The following PCDHGB4 variants were observed in gnomAD, a reference collection of about 807,000 sequenced individuals.
PCDHGB4 encodes the protein protocadherin gamma subfamily B, 4.
Under a neutral mutation model 60.5 loss-of-function variants are expected in PCDHGB4, and 38 were observed. The observed-to-expected ratio is 0.63, with a 90% CI of 0.48 to 0.82. The LOEUF (loss-of-function observed/expected upper bound fraction) is 0.82, where lower values mean the gene tolerates loss of function less well. Among genes scored for constraint, PCDHGB4 ranks in the 40% least tolerant of loss-of-function variants. PCDHGB4 has a pLI of 0.00. For synonymous variants in PCDHGB4, 456 were observed against 509.7 expected (o/e 0.89, Z 1.42); for missense variants, 1,109 against 1,209.6 (o/e 0.92, Z 1.23).
chr5:141,492,122 C>G (rs2154587050), intron 1 of PCDHGB4, among the ~76,000 whole-genome samples: 1 of 152,328 alleles, frequency 6.6e-6, no homozygotes, highest in Admixed American at 6.5e-5. Context: ...GATTTCTCCC[C>G]AGCTCCCAGC....
rs891428609 is a variant in PCDHGB4, at chr5:141,503,553, C to T, written c.2457-1840C>T. Among the ~76,000 whole-genome samples the T allele has an allele frequency of 9.4e-5, 14 of 149,164 alleles. No homozygotes were observed. In the East Asian group the frequency reaches 2.2e-3, roughly 23 times the overall value. On this transcript the variant is annotated intron_variant, in intron 2 of 3. Coordinates refer to ENST00000519479, the MANE Select transcript of PCDHGB4 (RefSeq NM_003736.4). ...GGCAGAGGTTGCAGTGAGCCGAGAT[C>T]GCGCCACTGTACTCCAGCCTGGGTG...
chr5:141,428,267 T>C, intron 1 of PCDHGB4: 1 of 796,264 alleles, frequency 1.3e-6, no homozygotes, highest in Non-Finnish European at 2.1e-6. Context: ...GACAGTCCTG[T>C]GCCCTCTGAT....
At chr5:141,506,700 G>A (rs780282969) in intron 3 of PCDHGB4, among the ~76,000 whole-genome samples, 3 of 152,138 alleles carry the variant, frequency 2.0e-5, no homozygotes, top group Non-Finnish European at 2.9e-5. Flanking sequence ...ACCCAAACCC[G>A]TTTTTTACTG....
chr5:141,466,358 A>T (rs1210013683), intron 1 of PCDHGB4, among the ~76,000 whole-genome samples: 3 of 152,066 alleles, frequency 2.0e-5, no homozygotes, highest in Non-Finnish European at 4.4e-5. Context: ...GCTAATCTAG[A>T]TGTAATGGTT....
rs768812729 is a variant in PCDHGB4, at chr5:141,491,543, A to T, written c.2398-3264A>T. 2.5e-6 allele frequency: 4 copies of T among 1,613,842 alleles called. No individual in the cohort carries two copies. The highest frequency in any genetic ancestry group is 3.4e-6 in the Non-Finnish European group (4 of 1,179,982). The stretch of plus-strand genomic sequence containing the variant: ...ATGGAGGTGACGCTGCGGCCCACAG[A>T]CTCGCAGAGCCACTGCTACAGGACG... On this transcript the variant is annotated intron_variant, in intron 1 of 3. Transcript: ENST00000519479. This position sits in a 1 kb window ranked among gnomAD's most constrained non-coding sequence, Gnocchi z 6.9.
intron 1 of PCDHGB4, chr5:141,402,861 A>G (rs2094315270): frequency 7.0e-7 from 1 of 1,430,150 alleles, no homozygotes; most frequent in Non-Finnish European, 9.2e-7. Context: ...CTTCTAAGGA[A>G]AAGATCACCA....
chr5:141,420,918 C>T (rs2096532512), intron 1 of PCDHGB4: 1 of 331,946 alleles, frequency 3.0e-6, no homozygotes, highest in South Asian at 6.4e-5. Flanking sequence ...GTGTGATTCA[C>T]AAAGGTGAGC....
rs1215626157 is a variant in PCDHGB4, at chr5:141,487,804, GT to G, written c.2398-7000del. ...TCGTGAATTAACCAGAGTTGTCACAGTTTAGCATTGGGGGCGGGTCATGCCT... is the reference window on the plus strand; with the variant it reads ...TCGTGAATTAACCAGAGTTGTCACAGTTAGCATTGGGGGCGGGTCATGCCT... On this transcript the variant is annotated intron_variant, in intron 1 of 3. Transcript: ENST00000519479. The surrounding 1 kb of genome is among the most constrained non-coding windows in gnomAD (Gnocchi z 5.0). 15 of 1,451,846 alleles carry G rather than the reference GT, an allele frequency of 1.0e-5. No homozygotes were observed. The highest frequency in any genetic ancestry group is 1.3e-5 in the Non-Finnish European group (14 of 1,072,382). 89.9% of individuals were successfully genotyped at this position (1,451,846 alleles called of 1,614,324 possible).
intron 2 of PCDHGB4, among the ~76,000 whole-genome samples, chr5:141,498,421 A>C (rs1328848787): frequency 6.6e-6 from 1 of 152,016 alleles, no homozygotes; most frequent in Non-Finnish European, 1.5e-5. Flanking sequence ...CTGGCACTGG[A>C]GTGAGGGGAT....
At chr5:141,441,790 A>G in intron 1 of PCDHGB4, 1 of 391,228 alleles carries the variant, frequency 2.6e-6, no homozygotes, top group South Asian at 2.0e-5. Context: ...CTGAATGACA[A>G]CGCACCGCGG....
chr5:141,421,174 C>T (rs2096550677), intron 1 of PCDHGB4: 2 of 1,378,742 alleles, frequency 1.5e-6, no homozygotes, highest in Non-Finnish European at 1.9e-6. Flanking sequence ...ATACATAAGC[C>T]GATTCACAAC....
chr5:141,414,255 G>A (rs776584940), intron 1 of PCDHGB4: 12 of 1,613,350 alleles, frequency 7.4e-6, no homozygotes, highest in Non-Finnish European at 1.0e-5. Flanking sequence ...TTAGTCCAGT[G>A]ACTGAAGATT....
chr5:141,392,498 A>AT (rs201401101), intron 1 of PCDHGB4: 334 of 217,284 alleles, frequency 1.5e-3, no homozygotes, highest in East Asian at 0.014. Flanking sequence ...TAAGCAAATG[A>AT]TTTTTTTTTC....
chr5:141,393,052 G>A, intron 1 of PCDHGB4: 1 of 1,613,612 alleles, frequency 6.2e-7, no homozygotes, highest in Non-Finnish European at 8.5e-7. Flanking sequence ...CTGAACCCGC[G>A]CAGCGGCAGC....
intron 1 of PCDHGB4, among the ~76,000 whole-genome samples, chr5:141,402,680 TATA>T (rs1441272447): frequency 2.4e-4 from 36 of 152,348 alleles, no homozygotes; most frequent in African/African-American, 7.9e-4. Context: ...AGCCATCTGA[TATA>T]ATGTTACACA....
rs376937850 is a variant in PCDHGB4 at position 141,491,097 on chromosome 5, C to T, written c.2398-3710C>T. The T allele has an allele frequency of 1.2e-6, 2 of 1,614,170 alleles. No homozygotes were observed. Among genetic ancestry groups the T allele is most frequent in the Non-Finnish European group, 1.7e-6 (2 of 1,180,018 alleles). On this transcript the variant is annotated intron_variant, in intron 1 of 3. Coordinates refer to ENST00000519479, the MANE Select transcript of PCDHGB4 (RefSeq NM_003736.4). The surrounding 1 kb of genome is among the most constrained non-coding windows in gnomAD (Gnocchi z 6.9). ...CACAGTCCACAGCCCCAGGACTGTT[C>T]CTCGTGTCTACACACACTGGTGAGG...
chr5:141,505,625 C>T, intron 3 of PCDHGB4, 144 bp downstream of exon 3: 1 of 1,489,114 alleles, frequency 6.7e-7, no homozygotes, highest in Non-Finnish European at 9.0e-7. Context: ...CCCACAATTC[C>T]AAACATAAAG....
intron 1 of PCDHGB4, among the ~76,000 whole-genome samples, chr5:141,492,490 G>C (rs2099741140): frequency 6.6e-6 from 1 of 152,208 alleles, no homozygotes; most frequent in Non-Finnish European, 1.5e-5. Context: ...CCAGGACCAG[G>C]CGAGGACTCC....
chr5:141,438,579 CATACATACATACATAT>C (rs1360889040), intron 1 of PCDHGB4, among the ~76,000 whole-genome samples: 18 of 55,776 alleles, frequency 3.2e-4, no homozygotes, highest in Non-Finnish European at 5.1e-4. Context: ...GATATACATA[CATACATACATACATAT>C]ATATATATAT....
Sources: gnomAD v4.1 joint callset for allele counts (sites outside exome capture counted in the v4.1 genomes callset) on GRCh38, gnomAD v4.1.1 for gene constraint, Gnocchi (gnomAD v3.1) non-coding constraint, MANE v1.5 for transcripts, NCBI Gene and HGNC (gene_info 2026-07-23, HGNC 2026-07-21) for gene names.